Variants in ZNF92 observed in about 807,000 individuals in gnomAD.
ZNF92 encodes zinc finger protein 92.
A neutral mutation model predicts 12.4 loss-of-function variants in ZNF92; 11 were observed. The ratio of observed to expected loss-of-function variants is 0.89; its 90% CI spans 0.56 to 1.47. The LOEUF (loss-of-function observed/expected upper bound fraction) is 1.47. Among genes scored for constraint, ZNF92 ranks in the 40% most tolerant of loss-of-function variants. ZNF92 has a pLI of 0.00. For missense variants in ZNF92, 622 were observed against 681.0 expected, an observed-to-expected ratio of 0.91 and a Z score of 0.96; for synonymous variants, 206 against 228.6, an observed-to-expected ratio of 0.90 and a Z score of 0.89.
At chr7:65,381,832 G>A (rs1397576470) in intron 1 of ZNF92, among the ~76,000 whole-genome samples, 3 of 152,026 alleles carry the variant, frequency 2.0e-5, no homozygotes, top group African/African-American at 4.8e-5. Context: ...TCAAAAATAC[G>A]ATGATTGTAG....
Position 65,399,140 on chromosome 7 carries a change from A to G in ZNF92, c.1026A>G (p.Lys342=), listed in dbSNP as rs780913030. Reference sequence around the variant, plus strand: ...TCCATACTGGGGAAAAACCATACAAATGTGAAGAATGTGGCAAAGCCTTTA... The same window carrying G: ...TCCATACTGGGGAAAAACCATACAAGTGTGAAGAATGTGGCAAAGCCTTTA... The part of the protein sequence containing the change: ...KIIHTGEKPY[K]CEECGKAFNQ... The change falls in exon 4 of 4, where the codon AAA becomes AAG. Residue 342 remains lysine, a synonymous_variant. Transcript: ENST00000328747. 1.7e-5 allele frequency: 27 copies of G among 1,613,410 alleles called. 1 individual carries two copies. The highest frequency in any genetic ancestry group is 1.3e-5 in the African/African-American group (1 of 74,862).
At chr7:65,379,319 C>A (rs1562789040) in intron 1 of ZNF92, among the ~76,000 whole-genome samples, 1 of 152,060 alleles carries the variant, frequency 6.6e-6, no homozygotes, top group Non-Finnish European at 1.5e-5. Context: ...GTTCACCAAT[C>A]TACAGATCTG....
intron 1 of ZNF92, among the ~76,000 whole-genome samples, chr7:65,377,849 G>A (rs1793290124): frequency 6.6e-6 from 1 of 152,134 alleles, no homozygotes; most frequent in African/African-American, 2.4e-5. Context: ...ACAGGCGTGA[G>A]CCACTGCGCC....
rs764285907 is a variant in ZNF92, at chr7:65,373,907, G to A, written c.-91G>A. The A allele has an allele frequency of 2.5e-6, 4 of 1,571,710 alleles. No homozygotes were observed. Among genetic ancestry groups the A allele is most frequent in the Non-Finnish European group, 3.5e-6 (4 of 1,141,672 alleles). On this transcript the variant is annotated 5_prime_UTR_variant, in exon 1 of 4. It adds an upstream start codon to the 5' untranslated region. Coordinates refer to ENST00000328747, the MANE Select transcript of ZNF92 (RefSeq NM_152626.4). ...TCTAGTCTTCACTGCTCTGCGTCCT[G>A]TGCTGATAAAGGCTCGCCGCTGTGA...
chr7:65,382,606 T>C (rs981652994), intron 1 of ZNF92, among the ~76,000 whole-genome samples: 1 of 152,118 alleles, frequency 6.6e-6, no homozygotes. Flanking sequence ...ATTTTACCTC[T>C]TTCAATGACT....
Position 65,399,526 on chromosome 7 carries a change from A to G in ZNF92, c.1412A>G (p.His471Arg), listed in dbSNP as rs1368319408. 8 of 1,613,388 alleles carry G rather than the reference A, an allele frequency of 5.0e-6. No individual in the cohort carries two copies. Among genetic ancestry groups the G allele is most frequent in the Non-Finnish European group, 6.8e-6 (8 of 1,179,720 alleles). ...AFSVFSTLTK[H>R]KIIHTREKPY... Reference sequence around the variant, plus strand: ...AGTGTATTCTCAACCCTTACTAAACATAAAATAATTCATACTAGAGAAAAA... The same window carrying G: ...AGTGTATTCTCAACCCTTACTAAACGTAAAATAATTCATACTAGAGAAAAA... The change falls in exon 4 of 4, where the codon CAT becomes CGT. Residue 471 changes from histidine (H) to arginine (R), a missense_variant. Coordinates refer to ENST00000328747, the MANE Select transcript of ZNF92 (RefSeq NM_152626.4).
intron 1 of ZNF92, among the ~76,000 whole-genome samples, chr7:65,374,719 A>G (rs943996432): frequency 1.3e-5 from 2 of 151,132 alleles, no homozygotes; most frequent in Non-Finnish European, 2.9e-5. Flanking sequence ...ATGCATTTGA[A>G]TTATATTTTT....
chr7:65,386,013 GA>G (rs1377927119), intron 1 of ZNF92, among the ~76,000 whole-genome samples: 4 of 151,624 alleles, frequency 2.6e-5, no homozygotes, highest in African/African-American at 9.7e-5. Flanking sequence ...TCAAGTATCT[GA>G]AAAATTTTTA....
intron 3 of ZNF92, among the ~76,000 whole-genome samples, chr7:65,390,803 C>T (rs1442998985): frequency 6.6e-6 from 1 of 152,140 alleles, no homozygotes; most frequent in Non-Finnish European, 1.5e-5. Flanking sequence ...AGTCATTAAA[C>T]TGCTTCAGAG....
Position 65,400,607 on chromosome 7 carries a change from C to T in ZNF92, c.*732C>T, listed in dbSNP as rs1793988803. The T allele has an allele frequency of 6.6e-6, 1 of 151,536 alleles. No homozygotes were observed. Among genetic ancestry groups the T allele is most frequent in the Admixed American group, 6.6e-5 (1 of 15,206 alleles). 9.4% of individuals were successfully genotyped at this position (151,536 alleles called of 1,614,324 possible). A position where few individuals can be genotyped will look rare whatever the true frequency, so the allele number is the denominator to read the frequency against. ...AATTAGAGTGTTGAGTATAGGAGATCCAAAACTAAAATTGTTAGGTAAGTT... is the reference window on the plus strand; with the variant it reads ...AATTAGAGTGTTGAGTATAGGAGATTCAAAACTAAAATTGTTAGGTAAGTT... On this transcript the variant is annotated 3_prime_UTR_variant, in exon 4 of 4. Transcript: ENST00000328747.
At chr7:65,374,072 C>T (rs1240168851) in intron 1 of ZNF92, 72 bp downstream of exon 1, 2 of 1,598,036 alleles carry the variant, frequency 1.3e-6, no homozygotes, top group Non-Finnish European at 1.7e-6. Flanking sequence ...GTGGCTGTGG[C>T]GGGCCTCGGG....
At position 65,399,654 on chromosome 7, in the gene ZNF92, T is replaced by C; in HGVS notation, c.1540T>C (p.Cys514Arg). The C allele has an allele frequency of 6.2e-7, 1 of 1,613,594 alleles. No individual in the cohort carries two copies. The highest frequency in any genetic ancestry group is 1.3e-5 in the African/African-American group (1 of 74,968). Residue 514 changes from cysteine to arginine, a missense_variant, in exon 4 of 4, where the codon TGT becomes CGT. Cys to Arg is a radical substitution (Grantham distance 180). Transcript: ENST00000328747. ...AGGGAAATCCTACAAATGTGAAAAA[T>C]GTGGCAATGCTTTTAACCAGTCCTC... ...TEGKSYKCEKCGNAFNQSSNL... is the reference protein window; with the variant it reads ...TEGKSYKCEKRGNAFNQSSNL...
intron 1 of ZNF92, among the ~76,000 whole-genome samples, chr7:65,375,773 G>A (rs1793221562): frequency 6.6e-6 from 1 of 151,618 alleles, no homozygotes; most frequent in East Asian, 2.0e-4. Flanking sequence ...GCTTGAACCC[G>A]GGAGAGGGAG....
chr7:65,379,859 C>T (rs1793356776), intron 1 of ZNF92, among the ~76,000 whole-genome samples: 1 of 152,048 alleles, frequency 6.6e-6, no homozygotes, highest in African/African-American at 2.4e-5. Context: ...TCTCCCCCAC[C>T]CATGGATCTT....
intron 3 of ZNF92, among the ~76,000 whole-genome samples, chr7:65,393,361 A>G (rs1229876201): frequency 2.0e-5 from 3 of 152,152 alleles, no homozygotes; most frequent in East Asian, 3.9e-4. Context: ...GCTGAAAAAT[A>G]TTCCACTGTA....
intron 1 of ZNF92, among the ~76,000 whole-genome samples, chr7:65,381,748 C>T (rs907475559): frequency 2.0e-5 from 3 of 152,090 alleles, no homozygotes; most frequent in Admixed American, 6.6e-5. Context: ...TAATCTTTTA[C>T]ATAGTGCTAG....
At chr7:65,374,106 T>A in intron 1 of ZNF92, 106 bp downstream of exon 1, 1 of 1,500,906 alleles carries the variant, frequency 6.7e-7, no homozygotes, top group Non-Finnish European at 9.2e-7. Context: ...GGCTCCGAGA[T>A]CCGCGGCCCG....
At chr7:65,393,576 A>G (rs1793777461) in intron 3 of ZNF92, among the ~76,000 whole-genome samples, 1 of 152,156 alleles carries the variant, frequency 6.6e-6, no homozygotes, top group Non-Finnish European at 1.5e-5. Flanking sequence ...AAACATGTAT[A>G]TAATATTTTA....
chr7:65,387,330 A>G lies in ZNF92; in HGVS notation c.4-572A>G, dbSNP rs1185592709. Among the ~76,000 whole-genome samples, 4 of 151,948 alleles carry G rather than the reference A, an allele frequency of 2.6e-5. No individual in the cohort carries two copies. In the East Asian group the frequency reaches 7.7e-4, roughly 29 times the overall value. On this transcript the variant is annotated intron_variant, in intron 1 of 3. Transcript: ENST00000328747. ...CTTCTTTATTAGGTTTTCTTTGCAT[A>G]TATCTGTCTTTGGAAAATGAAGGCT...
Sources: allele counts gnomAD v4.1 joint callset (sites outside exome capture counted in the v4.1 genomes callset), GRCh38; gene constraint gnomAD v4.1.1; transcripts MANE v1.5; gene names NCBI Gene and HGNC (gene_info 2026-07-23, HGNC 2026-07-21).